The following ADAMTSL1 variants were observed in gnomAD, a reference collection of about 807,000 sequenced individuals.
ADAMTSL1 encodes the protein ADAMTS-like protein 1.
A neutral mutation model predicts 201.8 loss-of-function variants in ADAMTSL1; 126 were observed. That is an observed-to-expected ratio of 0.62 (90% CI 0.54 to 0.72). ADAMTSL1 has a LOEUF of 0.72. ADAMTSL1 is among the 30% of genes least tolerant of loss of function. The pLI, the probability that ADAMTSL1 is intolerant of heterozygous loss-of-function variation, is 0.00. For synonymous variants in ADAMTSL1, 1,121 were observed against 903.4 expected (o/e 1.24, Z -4.32); for missense variants, 2,679 against 2,277.8 (o/e 1.18, Z -3.59).
chr9:18,409,287 G>A (rs537039422), intron 2 of ADAMTSL1, among the ~76,000 whole-genome samples: 1 of 149,190 alleles, frequency 6.7e-6, no homozygotes, highest in South Asian at 2.1e-4. Context: ...GGAGGCTGAA[G>A]TGGGAGAATC....
intron 2 of ADAMTSL1, among the ~76,000 whole-genome samples, chr9:18,329,599 C>G (rs1175187574): frequency 6.6e-6 from 1 of 152,186 alleles, no homozygotes; most frequent in African/African-American, 2.4e-5. Context: ...GAAGGCAGTA[C>G]TTAAAACCCC....
At chr9:18,703,598 G>C (rs1368961625) in intron 13 of ADAMTSL1, among the ~76,000 whole-genome samples, 2 of 150,818 alleles carry the variant, frequency 1.3e-5, no homozygotes, top group Non-Finnish European at 1.5e-5. Flanking sequence ...TTTTACATTT[G>C]ATAAAACTCT....
intron 4 of ADAMTSL1, among the ~76,000 whole-genome samples, chr9:18,606,829 T>C (rs1437454854): frequency 6.6e-6 from 1 of 152,204 alleles, no homozygotes; most frequent in African/African-American, 2.4e-5. Flanking sequence ...AACCATCCGC[T>C]GCTGCAGTCT....
At chr9:18,851,234 T>C (rs1588234984) in intron 23 of ADAMTSL1, among the ~76,000 whole-genome samples, 3 of 152,250 alleles carry the variant, frequency 2.0e-5, no homozygotes, top group Admixed American at 6.5e-5. Context: ...TCAAGGGACT[T>C]CATATCTAGT....
At chr9:18,131,478 G>A (rs1019270346) in intron 1 of ADAMTSL1, among the ~76,000 whole-genome samples, 5 of 152,154 alleles carry the variant, frequency 3.3e-5, no homozygotes, top group Non-Finnish European at 7.3e-5. Flanking sequence ...GATTAGTCTC[G>A]TATGATGAGG....
chr9:17,932,106 C>A (rs1034001695), intron 1 of ADAMTSL1, among the ~76,000 whole-genome samples: 77 of 152,218 alleles, frequency 5.1e-4, no homozygotes, highest in African/African-American at 1.7e-3. Context: ...TGTGGGTCTT[C>A]CCCCCAAGTA....
chr9:18,812,031 T>C (rs533113207), intron 20 of ADAMTSL1, among the ~76,000 whole-genome samples: 1 of 152,356 alleles, frequency 6.6e-6, no homozygotes, highest in African/African-American at 2.4e-5. Flanking sequence ...ATTTCTTTCC[T>C]AATATACATG....
intron 1 of ADAMTSL1, among the ~76,000 whole-genome samples, chr9:17,926,201 A>C (rs1026576871): frequency 4.6e-5 from 7 of 152,174 alleles, no homozygotes; most frequent in Non-Finnish European, 1.0e-4. Flanking sequence ...TTTCTTTCAG[A>C]CATCACCTGC....
chr9:18,720,423 T>C (rs945042607), intron 14 of ADAMTSL1, among the ~76,000 whole-genome samples: 2 of 152,188 alleles, frequency 1.3e-5, no homozygotes, highest in Non-Finnish European at 2.9e-5. Context: ...CCTGTATATG[T>C]TAGCTACTGT....
At chr9:18,522,580 T>TCCCTTCC (rs1278452314) in intron 2 of ADAMTSL1, among the ~76,000 whole-genome samples, 3 of 141,602 alleles carry the variant, frequency 2.1e-5, no homozygotes, top group African/African-American at 8.3e-5. Context: ...CCTAATGCTA[T>TCCCTTCC]CCCGCCCCCC....
intron 15 of ADAMTSL1, among the ~76,000 whole-genome samples, chr9:18,750,717 C>T (rs1265050831): frequency 6.6e-6 from 1 of 152,198 alleles, no homozygotes; most frequent in Non-Finnish European, 1.5e-5. Flanking sequence ...TCACCTCTCA[C>T]AGTTCATGTG....
Position 18,908,706 on chromosome 9 carries a change from GGACGTCCGC to G in ADAMTSL1, c.*160_*168del. 1.7e-6 allele frequency: 1 copy of G among 598,848 alleles called. No individual in the cohort carries two copies. Among genetic ancestry groups the G allele is most frequent in the South Asian group, 2.0e-5 (1 of 49,768 alleles). 37.1% of individuals were successfully genotyped at this position (598,848 alleles called of 1,614,324 possible). ...CCTCCACCTCCACCTTCAAGCATAA[GGACGTCCGC>G]GTGTTTTCTCTTTCAGTTAGCTGGA... On this transcript the variant is annotated 3_prime_UTR_variant, in exon 29 of 29. Transcript: ENST00000380548.
At chr9:17,992,361 A>C (rs989714483) in intron 1 of ADAMTSL1, among the ~76,000 whole-genome samples, 2 of 152,192 alleles carry the variant, frequency 1.3e-5, no homozygotes, top group African/African-American at 2.4e-5. Context: ...CTTGTAAAAT[A>C]TATTCAATGC....
At chr9:18,084,892 A>T (rs1002187051) in intron 1 of ADAMTSL1, among the ~76,000 whole-genome samples, 1 of 152,204 alleles carries the variant, frequency 6.6e-6, no homozygotes, top group African/African-American at 2.4e-5. Context: ...AGCATTAGGG[A>T]TAAAAATAAA....
chr9:18,737,450 G>A (rs745613924), intron 15 of ADAMTSL1, among the ~76,000 whole-genome samples: 1 of 152,006 alleles, frequency 6.6e-6, no homozygotes, highest in Non-Finnish European at 1.5e-5. Context: ...AGAGGCCTTG[G>A]GATTCCTTCA....
intron 7 of ADAMTSL1, among the ~76,000 whole-genome samples, chr9:18,653,779 A>G (rs1019163718): frequency 6.6e-6 from 1 of 152,218 alleles, no homozygotes; most frequent in African/African-American, 2.4e-5. Flanking sequence ...TAATCTGCTA[A>G]TGCCTAATCT....
intron 16 of ADAMTSL1, among the ~76,000 whole-genome samples, chr9:18,759,113 T>TCCAACG (rs1563774361): frequency 6.6e-6 from 1 of 152,220 alleles, no homozygotes; most frequent in African/African-American, 2.4e-5. Context: ...TCCACCCAAC[T>TCCAACG]GTACACACAT....
chr9:18,816,397 C>T (rs776546510), intron 20 of ADAMTSL1, among the ~76,000 whole-genome samples: 5 of 152,026 alleles, frequency 3.3e-5, no homozygotes, highest in South Asian at 2.1e-4. Context: ...CCACCACACC[C>T]GGTTAATTTT....
intron 20 of ADAMTSL1, among the ~76,000 whole-genome samples, chr9:18,809,406 G>A (rs1423951726): frequency 6.6e-6 from 1 of 152,182 alleles, no homozygotes; most frequent in Non-Finnish European, 1.5e-5. Context: ...CCAGTGTGCT[G>A]GAGCACTGTG....
Sources: allele counts gnomAD v4.1 joint callset (sites outside exome capture counted in the v4.1 genomes callset), GRCh38; gene constraint gnomAD v4.1.1; transcripts MANE v1.5; gene names NCBI Gene and HGNC (gene_info 2026-07-23, HGNC 2026-07-21).